RERE: variants seen among roughly 807,000 people sequenced by gnomAD.
RERE encodes arginine-glutamic acid dipeptide repeats protein.
RERE carries 40 observed loss-of-function variants against 146.1 expected under a neutral mutation model. That is an observed-to-expected ratio of 0.27 (90% CI 0.21 to 0.36). The LOEUF (loss-of-function observed/expected upper bound fraction) is 0.36. RERE is among the 10% of genes least tolerant of loss of function. The probability of loss-of-function intolerance (pLI) is 1.00; values close to 1 mark genes in which losing one functional copy is unlikely to be tolerated. For synonymous variants in RERE, 1,003 were observed against 866.0 expected (o/e 1.16, Z -2.78); for missense variants, 1,933 against 2,138.7 (o/e 0.90, Z 1.90).
chr1:8,774,514 C>T (rs1461836164), intron 1 of RERE, among the ~76,000 whole-genome samples: 3 of 151,768 alleles, frequency 2.0e-5, no homozygotes, highest in Non-Finnish European at 2.9e-5. Context: ...CCACCACGCC[C>T]GGCTAATTTT....
At chr1:8,624,205 C>T (rs1371454813) in intron 3 of RERE, 105 bp downstream of exon 3, 1 of 889,920 alleles carries the variant, frequency 1.1e-6, no homozygotes, top group Non-Finnish European at 1.8e-6. Context: ...AAAAGGTGAA[C>T]TGGTAACCAC....
intron 12 of RERE, among the ~76,000 whole-genome samples, chr1:8,386,008 ATATATATATATATATTTTTTTT>A (rs1557603142): frequency 9.7e-5 from 4 of 41,342 alleles, no homozygotes; most frequent in South Asian, 1.1e-3. Context: ...ATATATATAT[ATATATATATATATATTTTTTTT>A]TTTTTTTTTT....
chr1:8,634,822 G>A (rs1394211200), intron 2 of RERE, among the ~76,000 whole-genome samples: 4 of 152,112 alleles, frequency 2.6e-5, no homozygotes, highest in African/African-American at 4.8e-5. Context: ...TGCAAGCTCC[G>A]CCTCCCAGGT....
chr1:8,539,370 C>T (rs1645769040), intron 7 of RERE, among the ~76,000 whole-genome samples: 1 of 151,726 alleles, frequency 6.6e-6, no homozygotes, highest in African/African-American at 2.4e-5. Flanking sequence ...AACAAACAAA[C>T]AAACTCAACC....
chr1:8,695,519 G>A (rs554809169), intron 1 of RERE, among the ~76,000 whole-genome samples: 1 of 151,164 alleles, frequency 6.6e-6, no homozygotes, highest in Non-Finnish European at 1.5e-5. Flanking sequence ...GGAGGCCCAG[G>A]GGGGCGGATC....
At chr1:8,532,151 A>C (rs1268586296) in intron 7 of RERE, among the ~76,000 whole-genome samples, 1 of 152,236 alleles carries the variant, frequency 6.6e-6, no homozygotes, top group Non-Finnish European at 1.5e-5. Context: ...ATAAATTATT[A>C]AGGCATTCTT....
At chr1:8,601,532 T>G (rs1646625589) in intron 4 of RERE, among the ~76,000 whole-genome samples, 1 of 151,984 alleles carries the variant, frequency 6.6e-6, no homozygotes, top group South Asian at 2.1e-4. Context: ...TCATTTATGC[T>G]GGTAATTTGC....
At chr1:8,419,720 T>C (rs1489298372) in intron 12 of RERE, among the ~76,000 whole-genome samples, 1 of 152,118 alleles carries the variant, frequency 6.6e-6, no homozygotes, top group African/African-American at 2.4e-5. Flanking sequence ...ATCAAAAGGG[T>C]AGGAATTATC....
At chr1:8,502,941 CA>C (rs927730032) in intron 8 of RERE, among the ~76,000 whole-genome samples, 1 of 151,104 alleles carries the variant, frequency 6.6e-6, no homozygotes, top group African/African-American at 2.4e-5. Flanking sequence ...CCCAGGGACA[CA>C]AACACTTCGG....
chr1:8,526,165 A>G (rs1314360291), intron 7 of RERE: 2 of 713,616 alleles, frequency 2.8e-6, no homozygotes, highest in African/African-American at 1.9e-5. Context: ...ACAGCAGGGA[A>G]CTGAGCAAGC....
intron 11 of RERE, among the ~76,000 whole-genome samples, chr1:8,442,254 G>A (rs772476761): frequency 2.6e-5 from 4 of 151,984 alleles, no homozygotes; most frequent in Admixed American, 6.6e-5. Context: ...GCATAGTGGC[G>A]CACGCCTGTA....
chr1:8,574,489 C>A (rs547455652), intron 4 of RERE, among the ~76,000 whole-genome samples: 3 of 151,854 alleles, frequency 2.0e-5, no homozygotes, highest in Admixed American at 1.3e-4. Context: ...GGACTACAGG[C>A]GCCCGCCACC....
chr1:8,766,694 C>T (rs1640856585), intron 1 of RERE, among the ~76,000 whole-genome samples: 1 of 152,020 alleles, frequency 6.6e-6, no homozygotes, highest in Non-Finnish European at 1.5e-5. Flanking sequence ...GGAATCAACA[C>T]AGCCCAGGGT....
Position 8,358,675 on chromosome 1 carries a change from T to C in RERE, c.3860A>G (p.Tyr1287Cys). 1.9e-6 allele frequency: 3 copies of C among 1,584,334 alleles called. No individual in the cohort carries two copies. Among genetic ancestry groups the C allele is most frequent in the Non-Finnish European group, 2.6e-6 (3 of 1,163,270 alleles). The change falls in exon 20 of 23, where the codon TAC becomes TGC. Residue 1287 changes from tyrosine (Y) to cysteine (C), a missense_variant. Coordinates refer to ENST00000400908, the MANE Select transcript of RERE (RefSeq NM_001042681.2). ...PLNPTDPLLA[Y>C]HMPGLYNVDP... The stretch of plus-strand genomic sequence containing the variant: ...GACGTTGTAGAGGCCAGGCATGTGG[T>C]AGGCCAGCAGGGGGTCCGTGGGGTT...
At chr1:8,559,304 A>AAAAAAAAAAAAAAAAAAAC (rs754733974) in intron 4 of RERE, among the ~76,000 whole-genome samples, 2 of 130,186 alleles carry the variant, frequency 1.5e-5, no homozygotes, top group East Asian at 4.7e-4. Context: ...AAAAAAAAAA[A>AAAAAAAAAAAAAAAAAAAC]CAGAACAAAA....
At chr1:8,800,382 T>C (rs1641564940) in intron 1 of RERE, among the ~76,000 whole-genome samples, 1 of 152,114 alleles carries the variant, frequency 6.6e-6, no homozygotes, top group Non-Finnish European at 1.5e-5. Context: ...GTTTTAAAAA[T>C]AAATGACACT....
intron 1 of RERE, among the ~76,000 whole-genome samples, chr1:8,727,956 A>T (rs1640004539): frequency 6.6e-6 from 1 of 152,260 alleles, no homozygotes; most frequent in African/African-American, 2.4e-5. Flanking sequence ...TAATCCATGT[A>T]GCCCAGAGTT....
chr1:8,728,845 G>A (rs1197427033), intron 1 of RERE, among the ~76,000 whole-genome samples: 3 of 152,114 alleles, frequency 2.0e-5, no homozygotes, highest in Non-Finnish European at 4.4e-5. Flanking sequence ...TAGCAACTAG[G>A]GCCAAGAGAC....
At chr1:8,355,368 G>C in intron 22 of RERE, 51 bp downstream of exon 22, 1 of 1,586,866 alleles carries the variant, frequency 6.3e-7, no homozygotes, top group Non-Finnish European at 8.6e-7. Flanking sequence ...GGGGAGGTTG[G>C]GAGCCTGGGC....
Sources: gnomAD v4.1 joint callset for allele counts (sites outside exome capture counted in the v4.1 genomes callset) on GRCh38, gnomAD v4.1.1 for gene constraint, MANE v1.5 for transcripts, NCBI Gene and HGNC (gene_info 2026-07-23, HGNC 2026-07-21) for gene names.